The following SGCG variants were observed in gnomAD, a reference collection of about 807,000 sequenced individuals.
The protein encoded by SGCG is sarcoglycan gamma.
Under a neutral mutation model 29.3 loss-of-function variants are expected in SGCG, and 26 were observed. The ratio of observed to expected loss-of-function variants is 0.89; its 90% CI spans 0.65 to 1.23. SGCG has a LOEUF of 1.23. Ranked by LOEUF, SGCG falls within the 50% of genes most tolerant of loss-of-function variation. SGCG has a pLI of 0.00. For synonymous variants in SGCG, 145 were observed against 129.7 expected (o/e 1.12, Z -0.80); for missense variants, 353 against 356.0 (o/e 0.99, Z 0.07).
In SGCG at chr13:23,287,118, A is replaced by G. The variant is rs111955855; in HGVS notation, c.505+7640A>G. On this transcript the variant is annotated intron_variant, in intron 5 of 7. Transcript: ENST00000218867. ...CCTTTCAGTGTGGATGGAATCTGTA[A>G]ATATGAGATGTCTCTCCTGTGATTA... 6.7e-3 allele frequency among the ~76,000 whole-genome samples: 1,024 copies of G among 152,312 alleles called. 13 individuals are homozygous for G. The highest frequency in any genetic ancestry group is 0.023 in the African/African-American group (948 of 41,552).
At chr13:23,276,500 T>C (rs985631929) in intron 4 of SGCG, among the ~76,000 whole-genome samples, 2 of 139,362 alleles carry the variant, frequency 1.4e-5, no homozygotes, top group African/African-American at 5.1e-5. Flanking sequence ...TGGCCTGATC[T>C]CAGCTCATTG....
At chr13:23,280,331 C>T (rs1439100404) in intron 5 of SGCG, among the ~76,000 whole-genome samples, 1 of 152,140 alleles carries the variant, frequency 6.6e-6, no homozygotes, top group East Asian at 1.9e-4. Flanking sequence ...TATCCCAGTG[C>T]CTTTCTGTAC....
rs564757218 is a variant in SGCG, at chr13:23,259,109, G to A, written c.385+8392G>A. Among the ~76,000 whole-genome samples, 14 of 152,324 alleles carry A rather than the reference G, an allele frequency of 9.2e-5. 1 individual carries two copies. In the South Asian group the frequency reaches 1.9e-3, roughly 20 times the overall value. ...TTATCTATTGATTGGAATAGTTTCAGAAGGAATGGTACCAGCTCCTCTTTG... is the reference window on the plus strand; with the variant it reads ...TTATCTATTGATTGGAATAGTTTCAAAAGGAATGGTACCAGCTCCTCTTTG... On this transcript the variant is annotated intron_variant, in intron 4 of 7. Transcript: ENST00000218867.
At chr13:23,291,903 G>A (rs184423673) in intron 5 of SGCG, among the ~76,000 whole-genome samples, 1 of 152,184 alleles carries the variant, frequency 6.6e-6, no homozygotes, top group African/African-American at 2.4e-5. Flanking sequence ...AGGGCATGTA[G>A]CACCTTTTTC....
chr13:23,294,961 T>C (rs1477376248), intron 5 of SGCG, among the ~76,000 whole-genome samples: 1 of 152,196 alleles, frequency 6.6e-6, no homozygotes. Flanking sequence ...AATTAGAAGG[T>C]TCATTTTAAA....
intron 1 of SGCG, among the ~76,000 whole-genome samples, chr13:23,197,708 T>C (rs996583962): frequency 1.3e-5 from 2 of 151,122 alleles, no homozygotes; most frequent in African/African-American, 2.4e-5. Context: ...TTAAAAAACA[T>C]GACTGGTGAA....
chr13:23,187,902 A>T (rs527764581), intron 1 of SGCG, among the ~76,000 whole-genome samples: 1 of 152,334 alleles, frequency 6.6e-6, no homozygotes, highest in East Asian at 1.9e-4. Flanking sequence ...TGCAGATGGC[A>T]TGGCCTGATT....
chr13:23,252,965 T>C (rs529259843), intron 4 of SGCG, among the ~76,000 whole-genome samples: 97 of 152,222 alleles, frequency 6.4e-4, no homozygotes, highest in African/African-American at 2.2e-3. Context: ...TCCTCTCTAA[T>C]CAGATTTCTT....
At chr13:23,310,337 C>T (rs2770055) in intron 6 of SGCG, among the ~76,000 whole-genome samples, 72,994 of 151,700 alleles carry the variant, frequency 0.48, 18,230 homozygotes, top group East Asian at 0.82. Flanking sequence ...CTGCCCGCCT[C>T]GGCCTCCCAA....
intron 2 of SGCG, among the ~76,000 whole-genome samples, chr13:23,225,647 T>C (rs182457853): frequency 1.3e-5 from 2 of 152,226 alleles, no homozygotes; most frequent in African/African-American, 4.8e-5. Flanking sequence ...ACCTCGTCCT[T>C]TCCTTACTCC....
chr13:23,225,101 C>G (rs1250121298), intron 2 of SGCG, among the ~76,000 whole-genome samples: 2 of 152,160 alleles, frequency 1.3e-5, no homozygotes, highest in African/African-American at 4.8e-5. Flanking sequence ...GGAAGTTTGA[C>G]AAGAACCTCA....
At chr13:23,163,512 A>G in the SGCG span, among the ~76,000 whole-genome samples, 1 of 152,180 alleles carries the variant, frequency 6.6e-6, no homozygotes. Context: ...TGGACCCCTG[A>G]GTGGGATCAC....
Position 23,193,007 on chromosome 13 carries a change from C to T in SGCG, c.1-10688C>T, listed in dbSNP as rs192703565. On this transcript the variant is annotated intron_variant, in intron 1 of 7. Coordinates refer to ENST00000218867, the MANE Select transcript of SGCG (RefSeq NM_000231.3). Reference sequence around the variant, plus strand: ...TAAACAAATAAATGCATCATTATGTCCTAAAAGGAACTTTGGAGGAAATGA... The same window carrying T: ...TAAACAAATAAATGCATCATTATGTTCTAAAAGGAACTTTGGAGGAAATGA... 9.5e-3 allele frequency among the ~76,000 whole-genome samples: 1,447 copies of T among 152,124 alleles called. 20 individuals carry two copies. Among genetic ancestry groups the T allele is most frequent in the Non-Finnish European group, 0.013 (853 of 67,998 alleles).
intron 3 of SGCG, among the ~76,000 whole-genome samples, chr13:23,237,791 T>A (rs1593190196): frequency 9.4e-6 from 1 of 106,262 alleles, no homozygotes. Flanking sequence ...TATGATGAAA[T>A]CTTCATCTAA....
intron 6 of SGCG, among the ~76,000 whole-genome samples, chr13:23,319,462 A>G (rs1444640534): frequency 1.3e-5 from 2 of 152,222 alleles, no homozygotes; most frequent in Admixed American, 6.5e-5. Flanking sequence ...GGGCAGGTCA[A>G]ACTTCACATG....
At chr13:23,165,710 A>G in the SGCG span, among the ~76,000 whole-genome samples, 1 of 151,926 alleles carries the variant, frequency 6.6e-6, no homozygotes, top group East Asian at 1.9e-4. Flanking sequence ...TTTTTTTAGT[A>G]GAGACGGGGT....
intron 6 of SGCG, among the ~76,000 whole-genome samples, chr13:23,299,448 A>ATTTTTTTTTTT (rs1452293006): frequency 8.5e-5 from 1 of 11,828 alleles, no homozygotes; most frequent in Non-Finnish European, 2.0e-4. Context: ...ATATATATAT[A>ATTTTTTTTTTT]TATATATATT....
At chr13:23,183,551 T>G (rs1444042412) in intron 1 of SGCG, among the ~76,000 whole-genome samples, 1 of 152,122 alleles carries the variant, frequency 6.6e-6, no homozygotes, top group African/African-American at 2.4e-5. Context: ...TGCCTATCCC[T>G]AGTGGTAAGG....
intron 2 of SGCG, among the ~76,000 whole-genome samples, chr13:23,223,243 C>A (rs1878745740): frequency 7.4e-6 from 1 of 135,410 alleles, no homozygotes; most frequent in African/African-American, 2.8e-5. Context: ...ATGCCACTGA[C>A]TCCAGCCTGG....
Sources: allele counts gnomAD v4.1 joint callset (sites outside exome capture counted in the v4.1 genomes callset), GRCh38; gene constraint gnomAD v4.1.1; transcripts MANE v1.5; gene names NCBI Gene and HGNC (gene_info 2026-07-23, HGNC 2026-07-21).